The following HECW2 variants were observed in gnomAD, a reference collection of about 807,000 sequenced individuals.
HECW2 encodes HECT, C2 and WW domain containing E3 ubiquitin protein ligase 2, also known as E3 ubiquitin-protein ligase HECW2.
Under a neutral mutation model 175.2 loss-of-function variants are expected in HECW2, and 61 were observed. That is an observed-to-expected ratio of 0.35 (90% CI 0.28 to 0.43). The LOEUF (loss-of-function observed/expected upper bound fraction) is 0.43, where lower values mean the gene tolerates loss of function less well. Among genes scored for constraint, HECW2 ranks in the 20% least tolerant of loss-of-function variants. The pLI is 1.00. For synonymous variants in HECW2, 671 were observed against 731.0 expected (o/e 0.92, Z 1.32); for missense variants, 1,524 against 2,000.5 (o/e 0.76, Z 4.54).
chr2:196,380,837 T>C (rs974379669), intron 2 of HECW2, among the ~76,000 whole-genome samples: 12 of 152,332 alleles, frequency 7.9e-5, no homozygotes, highest in African/African-American at 2.9e-4. Flanking sequence ...TAATAAAATG[T>C]TACACAGCCA....
intron 2 of HECW2, among the ~76,000 whole-genome samples, chr2:196,399,403 C>T (rs1355649005): frequency 3.9e-5 from 6 of 152,210 alleles, no homozygotes; most frequent in Middle Eastern, 3.2e-3. Flanking sequence ...TGCCAGAGGC[C>T]AGAGGGCTTA....
rs564523381 is a variant in HECW2, at chr2:196,307,743, T to C, written c.2585+192A>G. Among the ~76,000 whole-genome samples the C allele has an allele frequency of 1.1e-4, 16 of 152,212 alleles. 1 individual carries two copies. In the South Asian group the frequency reaches 3.3e-3, roughly 32 times the overall value. Reference sequence around the variant, plus strand: ...CTAGTTTCCAAACAAGGTATATATGTGGGTGAGTATTATTATTTTTTTTTA... The same window carrying C: ...CTAGTTTCCAAACAAGGTATATATGCGGGTGAGTATTATTATTTTTTTTTA... On this transcript the variant is annotated intron_variant, in intron 11 of 28. Transcript: ENST00000644978.
chr2:196,525,433 T>C (rs1206870267), intron 1 of HECW2, among the ~76,000 whole-genome samples: 3 of 149,640 alleles, frequency 2.0e-5, no homozygotes, highest in East Asian at 2.0e-4. Context: ...CTTTATCCAA[T>C]TTGCCAGTCT....
rs560885355 is a variant in HECW2 at position 196,520,731 on chromosome 2, T to C, written c.-36+72777A>G. Among the ~76,000 whole-genome samples the C allele has an allele frequency of 2.6e-5, 4 of 152,310 alleles. No homozygotes were observed. In the East Asian group the frequency reaches 5.8e-4, roughly 22 times the overall value. On this transcript the variant is annotated intron_variant, in intron 1 of 28. Coordinates refer to ENST00000644978, the MANE Select transcript of HECW2 (RefSeq NM_001348768.2). ...AATACTCAAAACAGTTTTTCCACTG[T>C]AGCTTTTAATGACTATCATATATCA...
intron 1 of HECW2, among the ~76,000 whole-genome samples, chr2:196,585,924 G>C (rs1449282161): frequency 6.6e-6 from 1 of 152,156 alleles, no homozygotes; most frequent in Non-Finnish European, 1.5e-5. Context: ...AAATCTGACA[G>C]TTTTCTCTAC....
At chr2:196,448,999 G>T (rs1336754391) in intron 1 of HECW2, among the ~76,000 whole-genome samples, 10 of 152,172 alleles carry the variant, frequency 6.6e-5, no homozygotes, top group African/African-American at 2.4e-4. Flanking sequence ...TTGTACTCAG[G>T]AATCCTACAG....
chr2:196,224,388 T>A (rs1345007790), intron 23 of HECW2, among the ~76,000 whole-genome samples: 1 of 151,054 alleles, frequency 6.6e-6, no homozygotes, highest in African/African-American at 2.4e-5. Flanking sequence ...GATTTGGGAG[T>A]CAGAGGAGAT....
intron 1 of HECW2, among the ~76,000 whole-genome samples, chr2:196,434,727 C>T (rs536637170): frequency 6.6e-6 from 1 of 152,170 alleles, no homozygotes; most frequent in Non-Finnish European, 1.5e-5. Flanking sequence ...TGGTACCTGC[C>T]ACCATCTTCA....
intron 2 of HECW2, among the ~76,000 whole-genome samples, chr2:196,420,019 C>T (rs556352218): frequency 6.6e-6 from 1 of 152,246 alleles, no homozygotes; most frequent in Admixed American, 6.5e-5. Flanking sequence ...ATCATTTATA[C>T]TATTTGACTG....
At chr2:196,436,733 A>G (rs1695887371) in intron 1 of HECW2, among the ~76,000 whole-genome samples, 1 of 139,222 alleles carries the variant, frequency 7.2e-6, no homozygotes, top group South Asian at 2.4e-4. Flanking sequence ...TATGCTAAAT[A>G]GTAAAAAGAG....
intron 14 of HECW2, among the ~76,000 whole-genome samples, chr2:196,286,455 A>G (rs1038727038): frequency 2.0e-5 from 3 of 151,658 alleles, no homozygotes; most frequent in African/African-American, 7.3e-5. Flanking sequence ...GGCAAAGACC[A>G]TCTCTGTACT....
chr2:196,202,425 A>G (rs1422623760), intron 28 of HECW2, among the ~76,000 whole-genome samples: 1 of 152,152 alleles, frequency 6.6e-6, no homozygotes, highest in African/African-American at 2.4e-5. Context: ...TTCTAGCTCT[A>G]TCAACAAGTG....
chr2:196,503,344 C>A (rs1031747906), intron 1 of HECW2, among the ~76,000 whole-genome samples: 1 of 152,114 alleles, frequency 6.6e-6, no homozygotes, highest in Non-Finnish European at 1.5e-5. Context: ...GGACTCCTTG[C>A]CCTGTGCAGA....
chr2:196,586,290 A>AC (rs1690971936), intron 1 of HECW2, among the ~76,000 whole-genome samples: 1 of 152,250 alleles, frequency 6.6e-6, no homozygotes, highest in Non-Finnish European at 1.5e-5. Context: ...TCCTTGCCAC[A>AC]GTTCACCACG....
At chr2:196,236,063 T>C (rs1412331356) in intron 21 of HECW2, among the ~76,000 whole-genome samples, 2 of 152,178 alleles carry the variant, frequency 1.3e-5, no homozygotes, top group Admixed American at 1.3e-4. Flanking sequence ...TGAAATGATA[T>C]CAATATGAAT....
intron 2 of HECW2, among the ~76,000 whole-genome samples, chr2:196,404,085 A>G (rs902266832): frequency 6.6e-6 from 1 of 152,164 alleles, no homozygotes. Flanking sequence ...ACTAAATGCA[A>G]TTGAGTGCCA....
intron 21 of HECW2, among the ~76,000 whole-genome samples, chr2:196,232,590 G>A (rs1007823455): frequency 6.6e-6 from 1 of 152,162 alleles, no homozygotes; most frequent in African/African-American, 2.4e-5. Context: ...ACATGAACAG[G>A]TTATACCAAT....
chr2:196,265,484 C>T (rs1225029197), intron 17 of HECW2, among the ~76,000 whole-genome samples: 2 of 151,672 alleles, frequency 1.3e-5, no homozygotes, highest in Non-Finnish European at 2.9e-5. Flanking sequence ...AGACTCTGTC[C>T]GCTCCCCACC....
chr2:196,428,607 T>A (rs1695616505), intron 2 of HECW2, among the ~76,000 whole-genome samples: 1 of 152,204 alleles, frequency 6.6e-6, no homozygotes, highest in Admixed American at 6.5e-5. Context: ...CAACACAGTA[T>A]TGGTCCTATT....
Sources: gnomAD v4.1 joint callset for allele counts (sites outside exome capture counted in the v4.1 genomes callset) on GRCh38, gnomAD v4.1.1 for gene constraint, MANE v1.5 for transcripts, NCBI Gene and HGNC (gene_info 2026-07-23, HGNC 2026-07-21) for gene names.